The following NEK11 variants were observed in gnomAD, a reference collection of about 807,000 sequenced individuals.
NEK11 encodes the protein NIMA related kinase 11.
A neutral mutation model predicts 80.7 loss-of-function variants in NEK11; 72 were observed. That is an observed-to-expected ratio of 0.89 (90% confidence interval 0.74 to 1.08). The LOEUF is 1.08. Among genes scored for constraint, NEK11 ranks in the 50% least tolerant of loss-of-function variants. NEK11 has a pLI of 0.00. For synonymous variants in NEK11, 251 were observed against 260.7 expected, an observed-to-expected ratio of 0.96 and a Z score of 0.36; for missense variants, 764 against 763.6, an observed-to-expected ratio of 1.00 and a Z score of -0.01.
intron 17 of NEK11, among the ~76,000 whole-genome samples, chr3:131,319,912 A>G (rs1424010016): frequency 6.6e-6 from 1 of 152,102 alleles, no homozygotes; most frequent in Non-Finnish European, 1.5e-5. Context: ...AGCCTCCAGA[A>G]ACAGCACTTT....
chr3:131,187,285 A>G (rs1249794115), intron 14 of NEK11, among the ~76,000 whole-genome samples: 2 of 152,198 alleles, frequency 1.3e-5, no homozygotes, highest in African/African-American at 4.8e-5. Flanking sequence ...TACTTCTAGA[A>G]CATTGCATCA....
intron 3 of NEK11, among the ~76,000 whole-genome samples, chr3:131,054,774 AAATAAATAAATAAATAAATGAATG>A (rs1373611138): frequency 6.3e-5 from 9 of 142,710 alleles, no homozygotes; most frequent in Admixed American, 1.4e-4. Context: ...ATAAATAAAT[AAATAAATAAATAAATAAATGAATG>A]AATGTACCCG....
chr3:131,296,175 T>C (rs2096591210), intron 17 of NEK11, among the ~76,000 whole-genome samples: 2 of 152,122 alleles, frequency 1.3e-5, no homozygotes, highest in South Asian at 2.1e-4. Flanking sequence ...TACCACTTCA[T>C]AGGTAATGTG....
chr3:131,212,088 C>T (rs2094641847), intron 14 of NEK11, among the ~76,000 whole-genome samples: 1 of 152,156 alleles, frequency 6.6e-6, no homozygotes, highest in Non-Finnish European at 1.5e-5. Flanking sequence ...TCGTTTCTCC[C>T]CATCTTTGTG....
chr3:131,105,378 A>G (rs1373782557), intron 4 of NEK11, among the ~76,000 whole-genome samples: 6 of 152,232 alleles, frequency 3.9e-5, no homozygotes. Context: ...TATAAATAGC[A>G]CGTCTAATCT....
chr3:131,338,474 C>G lies in NEK11; in HGVS notation c.1719-11083C>G, dbSNP rs543818235. Among the ~76,000 whole-genome samples the G allele has an allele frequency of 1.3e-4, 20 of 152,068 alleles. No homozygotes were observed. The East Asian group carries it at 3.7e-3, about 28-fold the overall frequency. Reference sequence around the variant, plus strand: ...TTAAATATACACTTACCATACAACCCAGAAATTCCACTCCTAGGTATTTAT... The same window carrying G: ...TTAAATATACACTTACCATACAACCGAGAAATTCCACTCCTAGGTATTTAT... On this transcript the variant is annotated intron_variant, in intron 17 of 17. Coordinates refer to ENST00000383366, the MANE Select transcript of NEK11 (RefSeq NM_024800.5).
rs1257446530 is a variant in NEK11, at chr3:131,133,812, A to G, written c.521-18A>G. 1 of 1,600,598 alleles carries G rather than the reference A, an allele frequency of 6.2e-7. No individual in the cohort carries two copies. Among genetic ancestry groups the G allele is most frequent in the African/African-American group, 1.3e-5 (1 of 74,282 alleles). ...TCGTTGGCTTAAAGTATTCATAAAA[A>G]TTAATTATTATTTCAAGGAGATTTT... On this transcript the variant is annotated intron_variant, in intron 6 of 17. Coordinates refer to ENST00000383366, the MANE Select transcript of NEK11 (RefSeq NM_024800.5).
chr3:131,036,386 A>C (rs1167608608), intron 3 of NEK11, among the ~76,000 whole-genome samples: 3 of 152,240 alleles, frequency 2.0e-5, no homozygotes, highest in Non-Finnish European at 4.4e-5. Flanking sequence ...GTCATACTCC[A>C]GTGAATTCTG....
chr3:131,120,494 C>A (rs188528434), intron 5 of NEK11, among the ~76,000 whole-genome samples: 22 of 152,208 alleles, frequency 1.4e-4, no homozygotes, highest in Admixed American at 2.6e-4. Context: ...TTGTGGCATT[C>A]TCTGTGTTTC....
At chr3:131,126,208 G>T (rs757590139) in intron 5 of NEK11, among the ~76,000 whole-genome samples, 1 of 151,974 alleles carries the variant, frequency 6.6e-6, no homozygotes, top group Non-Finnish European at 1.5e-5. Context: ...ATTAATTAGT[G>T]CTACCATTAT....
intron 14 of NEK11, among the ~76,000 whole-genome samples, chr3:131,209,139 A>C (rs1179627867): frequency 6.6e-6 from 1 of 152,168 alleles, no homozygotes; most frequent in African/African-American, 2.4e-5. Context: ...GCTACGTCCC[A>C]TCAATACCTA....
At chr3:131,289,440 G>A (rs1044749684) in intron 17 of NEK11, among the ~76,000 whole-genome samples, 1 of 152,190 alleles carries the variant, frequency 6.6e-6, no homozygotes, top group Admixed American at 6.5e-5. Flanking sequence ...ATTATCTGTG[G>A]TGGAAGGACT....
intron 12 of NEK11, among the ~76,000 whole-genome samples, chr3:131,167,644 A>G (rs1483230150): frequency 6.6e-6 from 1 of 152,210 alleles, no homozygotes; most frequent in African/African-American, 2.4e-5. Flanking sequence ...TATGGCAGGC[A>G]GCATCCCAAA....
chr3:131,262,786 T>C (rs2095954468), intron 16 of NEK11, among the ~76,000 whole-genome samples: 3 of 152,138 alleles, frequency 2.0e-5, no homozygotes, highest in Non-Finnish European at 2.9e-5. Context: ...CTACATTAGG[T>C]ATTTCTCCTA....
chr3:131,115,964 T>TTCTTTCTTTCTTTCTTTCTTTCTC (rs1560477360), intron 5 of NEK11, among the ~76,000 whole-genome samples: 1 of 145,146 alleles, frequency 6.9e-6, no homozygotes, highest in South Asian at 2.2e-4. Flanking sequence ...CTTTCTTTCT[T>TTCTTTCTTTCTTTCTTTCTTTCTC]TCTTTCTTTC....
intron 17 of NEK11, among the ~76,000 whole-genome samples, chr3:131,334,268 T>C (rs2097143905): frequency 6.6e-6 from 1 of 152,156 alleles, no homozygotes; most frequent in Non-Finnish European, 1.5e-5. Flanking sequence ...AACAACTGTC[T>C]CTCAGACCAC....
chr3:131,205,530 T>C (rs952895092), intron 14 of NEK11, among the ~76,000 whole-genome samples: 1 of 152,186 alleles, frequency 6.6e-6, no homozygotes, highest in Non-Finnish European at 1.5e-5. Context: ...GCTGTGTCTC[T>C]TTTTGTGGGG....
intron 15 of NEK11, among the ~76,000 whole-genome samples, chr3:131,232,842 C>T (rs2107873879): frequency 6.6e-6 from 1 of 152,198 alleles, no homozygotes; most frequent in Admixed American, 6.6e-5. Context: ...CCAGAATCTT[C>T]ATTCTATGCT....
At position 131,194,844 on chromosome 3, in the gene NEK11, C is replaced by G. The variant is rs549627971; in HGVS notation, c.1399+23957C>G. The stretch of plus-strand genomic sequence containing the variant: ...GAAGTCTGCATGGTATAGTAAGAAT[C>G]AAGAGATACAGAGTGAAAAGATCTG... On this transcript the variant is annotated intron_variant, in intron 14 of 17. Coordinates refer to ENST00000383366, the MANE Select transcript of NEK11 (RefSeq NM_024800.5). 3.3e-5 allele frequency among the ~76,000 whole-genome samples: 5 copies of G among 152,230 alleles called. No individual in the cohort carries two copies. In the South Asian group the frequency reaches 8.3e-4, roughly 25 times the overall value.
Sources: gnomAD v4.1 joint callset for allele counts (sites outside exome capture counted in the v4.1 genomes callset) on GRCh38, gnomAD v4.1.1 for gene constraint, MANE v1.5 for transcripts, NCBI Gene and HGNC (gene_info 2026-07-23, HGNC 2026-07-21) for gene names.